The following HYDIN variants were observed in gnomAD, a reference collection of about 807,000 sequenced individuals.
The protein encoded by HYDIN is axonemal central pair apparatus protein HYDIN.
A neutral mutation model predicts 403.9 loss-of-function variants in HYDIN; 132 were observed. The observed-to-expected ratio is 0.33, with a 90% confidence interval of 0.28 to 0.38. HYDIN has a LOEUF of 0.38. HYDIN is among the 10% of genes least tolerant of loss of function. The pLI is 1.00. For missense variants in HYDIN, 2,827 were observed against 5,009.5 expected (o/e 0.56, Z 13.15); for synonymous variants, 1,202 against 1,891.7 (o/e 0.64, Z 9.46).
rs79206628 is a variant in HYDIN, at chr16:71,078,371, T to C, written c.1738+1514A>G. On this transcript the variant is annotated intron_variant, in intron 13 of 85. Transcript: ENST00000393567. The stretch of plus-strand genomic sequence containing the variant: ...GCGGTAATTTTAATAACGTATGTTT[T>C]CCCCCAACTCATCCATTTCTCCTAT... Among the ~76,000 whole-genome samples, 197 of 152,280 alleles carry C rather than the reference T, an allele frequency of 1.3e-3. 1 individual carries two copies. Among genetic ancestry groups the C allele is most frequent in the African/African-American group, 4.3e-3 (178 of 41,556 alleles).
intron 1 of HYDIN, among the ~76,000 whole-genome samples, chr16:71,229,494 A>C (rs556578174): frequency 2.0e-5 from 3 of 152,330 alleles, no homozygotes; most frequent in African/African-American, 7.2e-5. Context: ...AATAATTACC[A>C]AATACTGGAA....
intron 1 of HYDIN, among the ~76,000 whole-genome samples, chr16:71,215,516 A>G (rs2088832039): frequency 6.6e-6 from 1 of 152,096 alleles, no homozygotes; most frequent in Non-Finnish European, 1.5e-5. Context: ...GGAACATTAT[A>G]ATCAATCAAT....
intron 6 of HYDIN, among the ~76,000 whole-genome samples, chr16:71,157,458 A>G (rs1462754478): frequency 6.6e-6 from 1 of 151,352 alleles, no homozygotes; most frequent in Non-Finnish European, 1.5e-5. Context: ...TGTGGTTTTT[A>G]GAACGGATCC....
intron 12 of HYDIN, among the ~76,000 whole-genome samples, chr16:71,082,341 T>C (rs1597733579): frequency 6.6e-6 from 1 of 152,268 alleles, no homozygotes; most frequent in Middle Eastern, 3.4e-3. Flanking sequence ...TTTGAAATGC[T>C]ACAAACCACT....
intron 53 of HYDIN, among the ~76,000 whole-genome samples, 171 bp from the exon 54 acceptor site, chr16:70,896,251 C>A (rs1488765290): frequency 6.6e-6 from 1 of 151,722 alleles, no homozygotes; most frequent in Non-Finnish European, 1.5e-5. Context: ...TCTTAATACT[C>A]TGGGGAATGC....
rs1361197303 is a variant in HYDIN, at chr16:71,203,075, C to T, written c.-23-16157G>A. ...AAATGAATTTAAAGGTATTGGTAGC[C>T]TCATCACATGGAGAAGTCCTTCTGT... On this transcript the variant is annotated intron_variant, in intron 1 of 85. Coordinates refer to ENST00000393567, the MANE Select transcript of HYDIN (RefSeq NM_001270974.2). Among the ~76,000 whole-genome samples the T allele has an allele frequency of 2.0e-5, 3 of 152,146 alleles. No homozygotes were observed. In the East Asian group the frequency reaches 5.8e-4, roughly 29 times the overall value.
chr16:70,933,870 T>C (rs954760695), intron 45 of HYDIN: 7 of 152,398 alleles, frequency 4.6e-5, no homozygotes, highest in Admixed American at 1.3e-4. Flanking sequence ...CCCTCCTCTC[T>C]TCCTCCAACC....
chr16:70,879,421 G>A lies in HYDIN; in HGVS notation c.10433C>T (p.Thr3478Met), dbSNP rs757945725. 26 of 1,609,564 alleles carry A rather than the reference G, an allele frequency of 1.6e-5. No homozygotes were observed. The highest frequency in any genetic ancestry group is 1.0e-4 in the Admixed American group (6 of 59,856). Residue 3478 changes from threonine (T) to methionine (M), a missense_variant, in exon 62 of 86, where the codon ACG becomes ATG. By Grantham distance (81) the Thr-to-Met change is moderately conservative. Coordinates refer to ENST00000393567, the MANE Select transcript of HYDIN (RefSeq NM_001270974.2). ...GTTATGAAGAACTGGCCGCACAACC[G>A]TCACTCGAGGGAGGTTCCCCTCACC... ...IAGEGNLPRV[T>M]VVRPVLHNQY...
chr16:71,194,679 C>G (rs2087604192), intron 1 of HYDIN, among the ~76,000 whole-genome samples: 1 of 152,170 alleles, frequency 6.6e-6, no homozygotes, highest in South Asian at 2.1e-4. Context: ...ACTTATTTAT[C>G]ATAGTTTCCA....
At chr16:71,085,966 TCTAA>T (rs1439115873) in intron 12 of HYDIN, among the ~76,000 whole-genome samples, 1 of 152,126 alleles carries the variant, frequency 6.6e-6, no homozygotes, top group Non-Finnish European at 1.5e-5. Context: ...TCTGCCATTC[TCTAA>T]CTTTTAATTG....
At chr16:70,949,688 A>C (rs1409757617) in intron 41 of HYDIN, among the ~76,000 whole-genome samples, 1 of 152,142 alleles carries the variant, frequency 6.6e-6, no homozygotes, top group African/African-American at 2.4e-5. Context: ...TCCCTGGGTA[A>C]GTGCTTTCAC....
chr16:71,133,005 T>C (rs2084774513), intron 8 of HYDIN: 2 of 262,834 alleles, frequency 7.6e-6, no homozygotes, highest in South Asian at 7.9e-5. Flanking sequence ...AGCCCTCTCT[T>C]CAGTAAAACC....
At chr16:71,015,988 C>T (rs1270077216) in intron 23 of HYDIN, among the ~76,000 whole-genome samples, 1 of 151,982 alleles carries the variant, frequency 6.6e-6, no homozygotes, top group Non-Finnish European at 1.5e-5. Flanking sequence ...AGAACAGAAA[C>T]CCATTGAAAT....
intron 10 of HYDIN, among the ~76,000 whole-genome samples, chr16:71,098,267 T>G (rs2083339508): frequency 6.6e-6 from 1 of 150,784 alleles, no homozygotes; most frequent in South Asian, 2.1e-4. Context: ...AGTGGTGCGA[T>G]CTCGGCTCAC....
intron 1 of HYDIN, among the ~76,000 whole-genome samples, chr16:71,200,338 G>A (rs1211621239): frequency 6.6e-6 from 1 of 152,044 alleles, no homozygotes; most frequent in Non-Finnish European, 1.5e-5. Flanking sequence ...ATTCCTTCTT[G>A]CACAAGATCC....
intron 11 of HYDIN, among the ~76,000 whole-genome samples, chr16:71,089,520 G>C (rs2083043226): frequency 6.6e-6 from 1 of 152,184 alleles, no homozygotes; most frequent in Non-Finnish European, 1.5e-5. Context: ...AGGCAAATGT[G>C]ACGTGTGTCA....
At chr16:70,884,568 G>T (rs2041012773) in intron 58 of HYDIN, among the ~76,000 whole-genome samples, 1 of 151,850 alleles carries the variant, frequency 6.6e-6, no homozygotes. Flanking sequence ...CTGAGTCTCA[G>T]TTTATTTATC....
intron 53 of HYDIN, among the ~76,000 whole-genome samples, chr16:70,898,227 C>T (rs1168944270): frequency 1.3e-5 from 2 of 151,422 alleles, no homozygotes; most frequent in Non-Finnish European, 3.0e-5. Flanking sequence ...AGTTGGTAAG[C>T]AGCTGTCATG....
At position 71,188,854 on chromosome 16, in the gene HYDIN, T is replaced by C. The variant is rs927153884; in HGVS notation, c.-23-1936A>G. Reference sequence around the variant, plus strand: ...GAATGGTGACAAAAATTTGGTTATATATTAAAAGTATAATACCAAAGAAAA... The same window carrying C: ...GAATGGTGACAAAAATTTGGTTATACATTAAAAGTATAATACCAAAGAAAA... On this transcript the variant is annotated intron_variant, in intron 1 of 85. Transcript: ENST00000393567. 2.0e-5 allele frequency among the ~76,000 whole-genome samples: 3 copies of C among 152,294 alleles called. No individual in the cohort carries two copies. In the South Asian group the frequency reaches 6.2e-4, roughly 32 times the overall value.
Sources: allele counts gnomAD v4.1 joint callset (sites outside exome capture counted in the v4.1 genomes callset), GRCh38; gene constraint gnomAD v4.1.1; transcripts MANE v1.5; gene names NCBI Gene and HGNC (gene_info 2026-07-23, HGNC 2026-07-21).